FBXW7: variants seen among roughly 807,000 people sequenced by gnomAD.
FBXW7 encodes the protein F-box and WD repeat domain containing 7, also known as F-box/WD repeat-containing protein 7.
A neutral mutation model predicts 86.3 loss-of-function variants in FBXW7; 11 were observed. The ratio of observed to expected loss-of-function variants is 0.13; its 90% CI spans 0.08 to 0.21. FBXW7 has a LOEUF of 0.21. Among genes scored for constraint, FBXW7 ranks in the 10% least tolerant of loss-of-function variants. FBXW7 has a pLI of 1.00. For synonymous variants in FBXW7, 313 were observed against 297.9 expected, an observed-to-expected ratio of 1.05 and a Z score of -0.52; for missense variants, 488 against 847.4, an observed-to-expected ratio of 0.58 and a Z score of 5.27.
At chr4:152,403,957 T>A (rs1038852999) in intron 4 of FBXW7, among the ~76,000 whole-genome samples, 1 of 152,160 alleles carries the variant, frequency 6.6e-6, no homozygotes, top group African/African-American at 2.4e-5. Flanking sequence ...AAGAAAACAA[T>A]AAATATCTTC....
intron 2 of FBXW7, among the ~76,000 whole-genome samples, chr4:152,440,131 G>A (rs1044711015): frequency 6.6e-6 from 1 of 152,118 alleles, no homozygotes; most frequent in East Asian, 1.9e-4. Flanking sequence ...AATAGCATAG[G>A]TAGAATATGT....
chr4:152,479,778 G>C (rs1744721003), intron 2 of FBXW7, among the ~76,000 whole-genome samples: 1 of 152,130 alleles, frequency 6.6e-6, no homozygotes, highest in Admixed American at 6.6e-5. Context: ...GCAATCTATA[G>C]ATCTATTGCA....
At chr4:152,391,065 T>C (rs1371417124) in intron 4 of FBXW7, among the ~76,000 whole-genome samples, 1 of 152,102 alleles carries the variant, frequency 6.6e-6, no homozygotes, top group Non-Finnish European at 1.5e-5. Context: ...GATGCAATTA[T>C]AAATAAAAAT....
chr4:152,481,818 T>C (rs2149670775), intron 2 of FBXW7, among the ~76,000 whole-genome samples: 1 of 152,338 alleles, frequency 6.6e-6, no homozygotes, highest in South Asian at 2.1e-4. Flanking sequence ...AAAATTTTAA[T>C]GGCTGAGGTG....
chr4:152,505,839 T>G (rs1335960893), intron 2 of FBXW7, among the ~76,000 whole-genome samples: 1 of 151,774 alleles, frequency 6.6e-6, no homozygotes, highest in African/African-American at 2.4e-5. Context: ...CCTCCCAGGT[T>G]CAAGCAATTC....
At chr4:152,335,521 C>A (rs991797665) in intron 7 of FBXW7, among the ~76,000 whole-genome samples, 3 of 152,128 alleles carry the variant, frequency 2.0e-5, no homozygotes, top group Admixed American at 1.3e-4. Context: ...GTCAAATGGT[C>A]CAGTTAATGC....
At chr4:152,370,170 G>A (rs1733883814) in intron 4 of FBXW7, among the ~76,000 whole-genome samples, 1 of 151,902 alleles carries the variant, frequency 6.6e-6, no homozygotes, top group Non-Finnish European at 1.5e-5. Flanking sequence ...AGCTGTTTAA[G>A]CTGAAATTGT....
intron 4 of FBXW7, among the ~76,000 whole-genome samples, chr4:152,385,726 G>A (rs1735470662): frequency 1.3e-5 from 2 of 151,972 alleles, no homozygotes; most frequent in African/African-American, 2.4e-5. Flanking sequence ...GCACAAGGGG[G>A]TAACATTCTA....
chr4:152,353,909 A>G (rs558961007), intron 4 of FBXW7, among the ~76,000 whole-genome samples: 1 of 152,264 alleles, frequency 6.6e-6, no homozygotes, highest in African/African-American at 2.4e-5. Context: ...TATTACAAGT[A>G]AATTGTGTGC....
chr4:152,344,621 G>A (rs538556892), intron 6 of FBXW7, among the ~76,000 whole-genome samples: 58 of 151,486 alleles, frequency 3.8e-4, no homozygotes, highest in African/African-American at 1.3e-3. Context: ...TACAGCATGC[G>A]GTAACATTTG....
At chr4:152,388,161 G>C (rs1227929330) in intron 4 of FBXW7, among the ~76,000 whole-genome samples, 1 of 151,990 alleles carries the variant, frequency 6.6e-6, no homozygotes, top group Non-Finnish European at 1.5e-5. Flanking sequence ...TGCTCAAAGT[G>C]CTCACTCAGA....
At chr4:152,423,310 A>T (rs80181012) in intron 2 of FBXW7, among the ~76,000 whole-genome samples, 2,084 of 152,320 alleles carry the variant, frequency 0.014, 26 homozygotes, top group Middle Eastern at 0.037. Flanking sequence ...AGTGCTATAG[A>T]CCACTTAGAA....
chr4:152,511,513 A>C (rs1747974696), intron 2 of FBXW7, among the ~76,000 whole-genome samples: 1 of 152,070 alleles, frequency 6.6e-6, no homozygotes, highest in Non-Finnish European at 1.5e-5. Context: ...CAGCAATTTC[A>C]CTTTTGGGAA....
At chr4:152,378,446 T>G (rs1035139451) in intron 4 of FBXW7, among the ~76,000 whole-genome samples, 1 of 152,198 alleles carries the variant, frequency 6.6e-6, no homozygotes, top group African/African-American at 2.4e-5. Flanking sequence ...TTCTCTCCTG[T>G]GTTGCTGATG....
chr4:152,528,886 G>A (rs971535120), intron 2 of FBXW7, among the ~76,000 whole-genome samples: 12 of 152,094 alleles, frequency 7.9e-5, no homozygotes, highest in South Asian at 2.1e-4. Context: ...GAGCAGTCAT[G>A]CAGAAATGAA....
chr4:152,496,582 G>A (rs1419742680), intron 2 of FBXW7, among the ~76,000 whole-genome samples: 4 of 151,864 alleles, frequency 2.6e-5, no homozygotes, highest in South Asian at 4.2e-4. Context: ...GGAGGCTGAC[G>A]CAGCAAAATC....
At chr4:152,340,699 T>A (rs1483886349) in intron 6 of FBXW7, among the ~76,000 whole-genome samples, 1 of 152,052 alleles carries the variant, frequency 6.6e-6, no homozygotes, top group Non-Finnish European at 1.5e-5. Flanking sequence ...ATCTCTTTGG[T>A]GATTCTAAAC....
intron 2 of FBXW7, among the ~76,000 whole-genome samples, chr4:152,484,174 T>C (rs1745141419): frequency 6.6e-6 from 1 of 152,176 alleles, no homozygotes; most frequent in Non-Finnish European, 1.5e-5. Context: ...TAAAATTTAT[T>C]ACTACTTATT....
chr4:152,420,271 T>C (rs891651322), intron 2 of FBXW7, among the ~76,000 whole-genome samples: 3 of 152,194 alleles, frequency 2.0e-5, no homozygotes, highest in African/African-American at 7.2e-5. Flanking sequence ...TATCTTGAGA[T>C]TTCAGCAATT....
Sources: gnomAD v4.1 joint callset for allele counts (sites outside exome capture counted in the v4.1 genomes callset) on GRCh38, gnomAD v4.1.1 for gene constraint, MANE v1.5 for transcripts, NCBI Gene and HGNC (gene_info 2026-07-23, HGNC 2026-07-21) for gene names.